The following CCDC125 variants were observed in gnomAD, a reference collection of about 807,000 sequenced individuals.
CCDC125 encodes coiled-coil domain-containing protein 125.
In CCDC125, 43 loss-of-function variants were observed where a neutral mutation model predicts 57.4. That is an observed-to-expected ratio of 0.75 (90% CI 0.59 to 0.97). The LOEUF is 0.97. Ranked by LOEUF, CCDC125 falls within the 50% of genes least tolerant of loss-of-function variation. CCDC125 has a pLI of 0.00. For missense variants in CCDC125, 563 were observed against 595.7 expected (o/e 0.95, Z 0.57); for synonymous variants, 187 against 195.2 (o/e 0.96, Z 0.35).
At chr5:69,276,753 G>C, downstream of CCDC125, 1 of 1,375,408 alleles carries the variant, frequency 7.3e-7, no homozygotes, top group African/African-American at 1.5e-5. Flanking sequence ...GCTCGTGTAT[G>C]GCTAGCGACT....
At chr5:69,331,505 C>G (rs1761421548) in intron 1 of CCDC125, among the ~76,000 whole-genome samples, 1 of 152,026 alleles carries the variant, frequency 6.6e-6, no homozygotes, top group Admixed American at 6.5e-5. Flanking sequence ...GCTGGAATTA[C>G]AGGCGTGAGC....
At position 69,312,597 on chromosome 5, in the gene CCDC125, G is replaced by C. The variant is rs529047001; in HGVS notation, c.366+1388C>G. Among the ~76,000 whole-genome samples, 13 of 152,300 alleles carry C rather than the reference G, an allele frequency of 8.5e-5. No individual in the cohort carries two copies. In the South Asian group the frequency reaches 2.5e-3, roughly 29 times the overall value. ...TCAGATTGTTTGAAGCCACACATACGGGGAAGGCCGGTGGAAGGAAGTGAT... is the reference window on the plus strand; with the variant it reads ...TCAGATTGTTTGAAGCCACACATACCGGGAAGGCCGGTGGAAGGAAGTGAT... On this transcript the variant is annotated intron_variant, in intron 3 of 11. Coordinates refer to ENST00000396496, the MANE Select transcript of CCDC125 (RefSeq NM_176816.5).
intron 3 of CCDC125, among the ~76,000 whole-genome samples, chr5:69,313,070 GTGT>G (rs1274677656): frequency 1.3e-5 from 2 of 152,068 alleles, no homozygotes; most frequent in East Asian, 1.9e-4. Flanking sequence ...GGGAGTGGGG[GTGT>G]TGTTAAAGAA....
rs1051244644 is a variant in CCDC125, at chr5:69,320,470, G to C, written c.71C>G (p.Thr24Arg). 3 of 1,613,114 alleles carry C rather than the reference G, an allele frequency of 1.9e-6. No individual in the cohort carries two copies. Among genetic ancestry groups the C allele is most frequent in the Non-Finnish European group, 2.5e-6 (3 of 1,179,384 alleles). Residue 24 changes from threonine (T) to arginine (R), a missense_variant, in exon 2 of 12, where the codon ACA (threonine) becomes AGA (arginine). Transcript: ENST00000396496. Reference sequence around the variant, plus strand: ...GAGGCCATACCCTAAATCACCTTCTGTCATGTCATCCTCTTCTGTTTCCCA... The same window carrying C: ...GAGGCCATACCCTAAATCACCTTCTCTCATGTCATCCTCTTCTGTTTCCCA... ...QLWETEEDDMTEGDLGYGLGR... is the reference protein window; with the variant it reads ...QLWETEEDDMREGDLGYGLGR...
rs892575907 is a variant in CCDC125 at position 69,281,884 on chromosome 5, T to A, written c.*845A>T. ...TTTGTTTTAGGATGTTGGCAAACAC[T>A]GTAATGTGTTTTTTTTTTTTTTTGA... On this transcript the variant is annotated 3_prime_UTR_variant, in exon 12 of 12. Transcript: ENST00000396496. The A allele has an allele frequency of 2.1e-5, 3 of 141,950 alleles. No individual in the cohort carries two copies. The highest frequency in any genetic ancestry group is 4.7e-5 in the Non-Finnish European group (3 of 64,284). The allele number at this position is 141,950 out of a possible 1,614,324, so 8.8% of individuals were successfully genotyped here.
In CCDC125 at chr5:69,313,821, T is replaced by G. The variant is rs867082851; in HGVS notation, c.366+164A>C. 118 of 833,926 alleles carry G rather than the reference T, an allele frequency of 1.4e-4. No individual in the cohort carries two copies. In the Middle Eastern group the frequency reaches 3.8e-3, roughly 27 times the overall value. 51.7% of individuals were successfully genotyped at this position (833,926 alleles called of 1,614,324 possible). A position where few individuals can be genotyped will look rare whatever the true frequency, so the allele number is the denominator to read the frequency against. On this transcript the variant is annotated intron_variant, in intron 3 of 11. Transcript: ENST00000396496. Reference sequence around the variant, plus strand: ...GGTGTTGAAGACTTACACAACTTCATGTCGTTGAACACCTTGATGACACCA... The same window carrying G: ...GGTGTTGAAGACTTACACAACTTCAGGTCGTTGAACACCTTGATGACACCA...
intron 7 of CCDC125, among the ~76,000 whole-genome samples, chr5:69,301,993 G>A (rs1756534948): frequency 6.6e-6 from 1 of 151,814 alleles, no homozygotes; most frequent in African/African-American, 2.4e-5. Context: ...TGAGGTGGGA[G>A]GATCTCTTGA....
At chr5:69,313,854 C>T in intron 3 of CCDC125, 131 bp downstream of exon 3, 2 of 859,070 alleles carry the variant, frequency 2.3e-6, no homozygotes, top group Admixed American at 3.5e-5. Flanking sequence ...CCATCAGAGA[C>T]AGCCACAACA....
chr5:69,321,940 G>A (rs192644911), intron 1 of CCDC125, among the ~76,000 whole-genome samples: 111 of 152,104 alleles, frequency 7.3e-4, no homozygotes, highest in Admixed American at 2.2e-3. Context: ...GGGTTCAAGC[G>A]ATTATCCTGC....
intron 8 of CCDC125, among the ~76,000 whole-genome samples, chr5:69,297,158 C>G (rs1274878071): frequency 6.6e-6 from 1 of 152,018 alleles, no homozygotes; most frequent in East Asian, 1.9e-4. Context: ...TTCTGCCTCC[C>G]AAGTTCAAAC....
At chr5:69,299,486 G>T (rs1304543527) in intron 8 of CCDC125, among the ~76,000 whole-genome samples, 1 of 152,108 alleles carries the variant, frequency 6.6e-6, no homozygotes, top group East Asian at 1.9e-4. Flanking sequence ...GGCCCCTTCT[G>T]ACCTCATTAG....
intron 11 of CCDC125, among the ~76,000 whole-genome samples, chr5:69,284,961 G>C (rs1300714843): frequency 1.3e-5 from 2 of 152,106 alleles, no homozygotes; most frequent in Non-Finnish European, 2.9e-5. Context: ...GCCAGGCGTG[G>C]TGGTGGGCGC....
At chr5:69,307,421 G>A (rs954380359) in intron 5 of CCDC125, among the ~76,000 whole-genome samples, 1 of 151,988 alleles carries the variant, frequency 6.6e-6, no homozygotes, top group Non-Finnish European at 1.5e-5. Flanking sequence ...GGTGTCTCAC[G>A]CCTGTAATCC....
rs1167727013 is a variant in CCDC125 at position 69,320,248 on chromosome 5, T to C, written c.293A>G (p.Gln98Arg). 1 of 1,613,394 alleles carries C rather than the reference T, an allele frequency of 6.2e-7. No individual in the cohort carries two copies. Among genetic ancestry groups the C allele is most frequent in the Admixed American group, 1.7e-5 (1 of 59,898 alleles). Residue 98 changes from glutamine to arginine, a missense_variant, in exon 2 of 12, where the codon CAA becomes CGA. Transcript: ENST00000396496. The stretch of plus-strand genomic sequence containing the variant: ...TTCAGCATTCTTACCAGTGCTACTT[T>C]GTCGTCTGTAATTGGAAATTCTGGA... ...QVSRISNYRR[Q>R]SSTVDSNSEL...
chr5:69,292,587 T>C (rs1461881767), intron 9 of CCDC125, among the ~76,000 whole-genome samples: 5 of 152,192 alleles, frequency 3.3e-5, no homozygotes, highest in Non-Finnish European at 5.9e-5. Context: ...GTCAACTGCC[T>C]GCTAACCTAA....
At chr5:69,275,435 ATT>A (rs1752017782), downstream of CCDC125, among the ~76,000 whole-genome samples, 5 of 152,272 alleles carry the variant, frequency 3.3e-5, no homozygotes, top group South Asian at 1.0e-3. Context: ...CTCTCTTTGC[ATT>A]TTGAACTGTA....
Position 69,318,044 on chromosome 5 carries a change from C to T in CCDC125, c.304+2193G>A, listed in dbSNP as rs191911267. ...GTCGCCAGGCTGGAGCGCAGTGGTG[C>T]GATCTCGGCTCACTGCAACTTCCGC... On this transcript the variant is annotated intron_variant, in intron 2 of 11. Transcript: ENST00000396496. Among the ~76,000 whole-genome samples, 8 of 132,282 alleles carry T rather than the reference C, an allele frequency of 6.0e-5. No individual in the cohort carries two copies. The East Asian group carries it at 1.7e-3, about 28-fold the overall frequency. 86.8% of individuals were successfully genotyped at this position (132,282 alleles called of 152,430 possible).
chr5:69,299,196 G>A (rs909380354), intron 8 of CCDC125, among the ~76,000 whole-genome samples: 7 of 150,040 alleles, frequency 4.7e-5, no homozygotes, highest in Non-Finnish European at 5.9e-5. Context: ...TGCAAGCTCC[G>A]CCTCCTGGGT....
At chr5:69,316,270 G>A (rs368965860) in intron 2 of CCDC125, among the ~76,000 whole-genome samples, 106 of 152,332 alleles carry the variant, frequency 7.0e-4, no homozygotes, top group African/African-American at 2.4e-3. Flanking sequence ...CTTTGCAGAT[G>A]TGATGAGATT....
Sources: allele counts gnomAD v4.1 joint callset (sites outside exome capture counted in the v4.1 genomes callset), GRCh38; gene constraint gnomAD v4.1.1; transcripts MANE v1.5; gene names NCBI Gene and HGNC (gene_info 2026-07-23, HGNC 2026-07-21).